Variants in INTS6 observed in about 807,000 individuals in gnomAD.
The protein encoded by INTS6 is DEAD box protein.
In INTS6, 16 loss-of-function variants were observed where a neutral mutation model predicts 104.9. The observed-to-expected ratio is 0.15, with a 90% CI of 0.10 to 0.23. The LOEUF is 0.23. INTS6 is among the 10% of genes least tolerant of loss of function. INTS6 has a pLI of 1.00. For synonymous variants in INTS6, 324 were observed against 358.7 expected (o/e 0.90, Z 1.09); for missense variants, 584 against 1,062.8 (o/e 0.55, Z 6.26).
intron 3 of INTS6, chr13:51,355,193 T>G (rs1438746542): frequency 1.2e-6 from 1 of 857,926 alleles, no homozygotes; most frequent in African/African-American, 1.7e-5. Context: ...TTGGGGCAGT[T>G]TTATCATACT....
intron 4 of INTS6, among the ~76,000 whole-genome samples, chr13:51,400,110 C>T (rs551304344): frequency 2.6e-5 from 4 of 152,258 alleles, no homozygotes; most frequent in South Asian, 2.1e-4. Flanking sequence ...CTAGGTTGTG[C>T]GCTCCTTATT....
chr13:51,344,595 C>A, the INTS6 span: 1 of 822,534 alleles, frequency 1.2e-6, no homozygotes, highest in African/African-American at 1.7e-5. Context: ...TCAATTACAG[C>A]AGAAGTCTGT....
At chr13:51,376,223 CA>C (rs1955927789) in intron 12 of INTS6, 49 bp from the exon 13 acceptor site, 2 of 1,494,308 alleles carry the variant, frequency 1.3e-6, no homozygotes, top group African/African-American at 1.4e-5. Context: ...CATAGAATTA[CA>C]AGAGACTAAA....
chr13:51,395,781 A>G (rs935370766), intron 4 of INTS6, among the ~76,000 whole-genome samples: 1 of 152,172 alleles, frequency 6.6e-6, no homozygotes, highest in Non-Finnish European at 1.5e-5. Flanking sequence ...AATTTCATTT[A>G]ATCATTAAAA....
At chr13:51,449,605 A>C in intron 3 of INTS6, 2 of 985,384 alleles carry the variant, frequency 2.0e-6, no homozygotes, top group Non-Finnish European at 2.4e-6. Flanking sequence ...CAACATGACA[A>C]CCAAATAAAG....
intron 16 of INTS6, among the ~76,000 whole-genome samples, chr13:51,368,151 TA>T (rs1211243184): frequency 6.6e-6 from 1 of 152,076 alleles, no homozygotes; most frequent in Non-Finnish European, 1.5e-5. Flanking sequence ...ACATAAAGCT[TA>T]AAAGGATGAG....
rs753259228 is a variant in INTS6, at chr13:51,374,693, C to T, written c.1833G>A (p.Arg611=). The part of the protein sequence containing the change: ...LRELDPDQPR[R]LHTFGNPFKL... Reference sequence around the variant, plus strand: ...TAAAGGGGTTGCCAAATGTATGCAACCTTCGTGGCTGATCAGGATCAAGTT... The same window carrying T: ...TAAAGGGGTTGCCAAATGTATGCAATCTTCGTGGCTGATCAGGATCAAGTT... Residue 611 remains arginine, a synonymous_variant, in exon 14 of 18, where the codon AGG becomes AGA. Coordinates refer to ENST00000311234, the MANE Select transcript of INTS6 (RefSeq NM_012141.3). 1 of 1,613,304 alleles carries T rather than the reference C, an allele frequency of 6.2e-7. No homozygotes were observed.
At chr13:51,371,605 G>A (rs9535652) in intron 15 of INTS6, among the ~76,000 whole-genome samples, 17,881 of 151,932 alleles carry the variant, frequency 0.12, 1,317 homozygotes, top group South Asian at 0.21. Context: ...AGCGCTGCTG[G>A]AGAAATAGGG....
intron 4 of INTS6, among the ~76,000 whole-genome samples, chr13:51,415,423 A>T (rs1434487327): frequency 6.6e-6 from 1 of 152,204 alleles, no homozygotes; most frequent in African/African-American, 2.4e-5. Context: ...ATTTTGTGGG[A>T]GAAACCCCCA....
At chr13:51,377,574 GTCT>G (rs937264313) in intron 12 of INTS6, among the ~76,000 whole-genome samples, 30 of 152,122 alleles carry the variant, frequency 2.0e-4, no homozygotes, top group African/African-American at 7.2e-4. Flanking sequence ...TTAAAAGACT[GTCT>G]TCTTATCCAC....
chr13:51,408,055 A>G (rs560153578), intron 4 of INTS6, among the ~76,000 whole-genome samples: 9 of 151,960 alleles, frequency 5.9e-5, no homozygotes, highest in African/African-American at 1.9e-4. Context: ...TTTCAATGCT[A>G]AAGTATAACT....
chr13:51,374,182 A>C (rs1386533911), intron 15 of INTS6, 26 bp downstream of exon 15: 27 of 1,568,398 alleles, frequency 1.7e-5, no homozygotes, highest in Non-Finnish European at 2.3e-5. Context: ...GCAGCAAATA[A>C]TGTTTAAGAA....
intron 4 of INTS6, among the ~76,000 whole-genome samples, chr13:51,428,687 GACC>G (rs776985720): frequency 6.6e-6 from 1 of 151,994 alleles, no homozygotes; most frequent in Non-Finnish European, 1.5e-5. Flanking sequence ...AAAGTAGCAG[GACC>G]ACAATTGGCT....
chr13:51,399,632 A>G (rs1359971216), intron 4 of INTS6, among the ~76,000 whole-genome samples: 2 of 152,194 alleles, frequency 1.3e-5, no homozygotes, highest in East Asian at 1.9e-4. Context: ...CTAGCAGCGT[A>G]TAACAGAACC....
chr13:51,367,565 C>T (rs1454597641), intron 17 of INTS6, among the ~76,000 whole-genome samples: 4 of 151,972 alleles, frequency 2.6e-5, no homozygotes, highest in African/African-American at 9.7e-5. Context: ...CAAGAATTCT[C>T]CAAGTATCCA....
chr13:51,435,139 A>G (rs891927944), intron 3 of INTS6, among the ~76,000 whole-genome samples: 13 of 149,528 alleles, frequency 8.7e-5, no homozygotes, highest in African/African-American at 3.2e-4. Context: ...TATTTAAAAC[A>G]AAAAAAAAAT....
At position 51,414,833 on chromosome 13, in the gene INTS6, T is replaced by TACACACACACACAC. The variant is rs151197136; in HGVS notation, c.429+15447_429+15460dup. Among the ~76,000 whole-genome samples the TACACACACACACAC allele has an allele frequency of 5.5e-4, 79 of 143,042 alleles. 1 individual carries two copies. The highest frequency in any genetic ancestry group is 9.4e-4 in the African/African-American group (36 of 38,128). The allele number at this position is 143,042 out of a possible 152,430, so 93.8% of individuals were successfully genotyped here. A position where few individuals can be genotyped will look rare whatever the true frequency, so the allele number is the denominator to read the frequency against. On this transcript the variant is annotated intron_variant, in intron 4 of 17. Transcript: ENST00000311234. ...TATATGTATGTATGTAGTTCTTCTA[T>TACACACACACACAC]ACACACACACACACACACACACACA...
intron 4 of INTS6, among the ~76,000 whole-genome samples, chr13:51,413,998 G>A (rs972957777): frequency 6.6e-6 from 1 of 152,292 alleles, no homozygotes; most frequent in Admixed American, 6.5e-5. Flanking sequence ...CACCCAAGCA[G>A]GGATTAGTTT....
At chr13:51,414,653 T>G (rs1174208832) in intron 4 of INTS6, among the ~76,000 whole-genome samples, 2 of 152,128 alleles carry the variant, frequency 1.3e-5, no homozygotes, top group African/African-American at 4.8e-5. Context: ...AAATAAAATT[T>G]TAACATTTTT....
Sources: allele counts gnomAD v4.1 joint callset (sites outside exome capture counted in the v4.1 genomes callset), GRCh38; gene constraint gnomAD v4.1.1; transcripts MANE v1.5; gene names NCBI Gene and HGNC (gene_info 2026-07-23, HGNC 2026-07-21).